Variants in CSMD1 observed in about 807,000 individuals in gnomAD.
The protein encoded by CSMD1 is CUB and Sushi multiple domains 1, also known as CUB and sushi domain-containing protein 1.
In CSMD1, 213 loss-of-function variants were observed where a neutral mutation model predicts 417.5. The observed-to-expected ratio is 0.51, with a 90% confidence interval of 0.46 to 0.57. The LOEUF (loss-of-function observed/expected upper bound fraction) is 0.57. Ranked by LOEUF, CSMD1 falls within the 20% of genes least tolerant of loss-of-function variation. The pLI is 0.00. For missense variants in CSMD1, 6,923 were observed against 4,529.7 expected (o/e 1.53, Z -15.17); for synonymous variants, 2,862 against 1,736.8 (o/e 1.65, Z -16.11).
chr8:3,875,321 T>C (rs1805744121), intron 5 of CSMD1, among the ~76,000 whole-genome samples: 1 of 152,154 alleles, frequency 6.6e-6, no homozygotes, highest in African/African-American at 2.4e-5. Context: ...GAATTTGCTG[T>C]TCTATTAGGT....
At chr8:3,176,007 G>A (rs1022492814) in intron 37 of CSMD1, among the ~76,000 whole-genome samples, 1 of 152,010 alleles carries the variant, frequency 6.6e-6, no homozygotes, top group African/African-American at 2.4e-5. Flanking sequence ...TACCAATTAG[G>A]TTTAGGATAT....
At chr8:3,147,009 G>A (rs1246499383) in intron 40 of CSMD1, among the ~76,000 whole-genome samples, 1 of 152,116 alleles carries the variant, frequency 6.6e-6, no homozygotes, top group Admixed American at 6.6e-5. Context: ...TTTTCTTCAA[G>A]AAGGGGCAAT....
intron 1 of CSMD1, among the ~76,000 whole-genome samples, chr8:4,740,374 A>T (rs1810525475): frequency 6.6e-6 from 1 of 152,318 alleles, no homozygotes; most frequent in African/African-American, 2.4e-5. Context: ...TTGTAGAAAT[A>T]CAGTATTAGA....
chr8:3,740,410 A>G (rs1313742396), intron 6 of CSMD1, among the ~76,000 whole-genome samples: 2 of 152,358 alleles, frequency 1.3e-5, no homozygotes, highest in Non-Finnish European at 2.9e-5. Flanking sequence ...GCAATGCTGA[A>G]TAAGAGCCAA....
rs1327701689 is a variant in CSMD1 at position 3,652,380 on chromosome 8, T to A, written c.1010-35583A>T. Reference sequence around the variant, plus strand: ...GCATGCTTACCACCATCAGAGCGCTTAGCACCATCACAAATACGTTGACTT... The same window carrying A: ...GCATGCTTACCACCATCAGAGCGCTAAGCACCATCACAAATACGTTGACTT... On this transcript the variant is annotated intron_variant, in intron 7 of 69. Transcript: ENST00000635120. Among the ~76,000 whole-genome samples, 3 of 152,242 alleles carry A rather than the reference T, an allele frequency of 2.0e-5. No individual in the cohort carries two copies. In the East Asian group the frequency reaches 5.8e-4, roughly 29 times the overall value.
chr8:4,173,386 T>C (rs1797870983), intron 3 of CSMD1, among the ~76,000 whole-genome samples: 1 of 152,062 alleles, frequency 6.6e-6, no homozygotes, highest in African/African-American at 2.4e-5. Flanking sequence ...GACAGAGGCA[T>C]AAAGAGAAGT....
At chr8:3,542,814 A>C (rs1798496108) in intron 10 of CSMD1, among the ~76,000 whole-genome samples, 1 of 152,192 alleles carries the variant, frequency 6.6e-6, no homozygotes, top group Non-Finnish European at 1.5e-5. Flanking sequence ...GCTTTAGCTA[A>C]GCAAGATCCA....
At chr8:3,462,121 GGC>G (rs1816542471) in intron 12 of CSMD1, among the ~76,000 whole-genome samples, 2 of 73,204 alleles carry the variant, frequency 2.7e-5, no homozygotes, top group South Asian at 9.4e-4. Context: ...TCAGAATCCA[GGC>G]CCCCCCCCCC....
chr8:3,672,272 G>C (rs906108808), intron 7 of CSMD1, among the ~76,000 whole-genome samples: 1 of 152,106 alleles, frequency 6.6e-6, no homozygotes, highest in African/African-American at 2.4e-5. Context: ...AAACCAAAGA[G>C]TCTTAACCAT....
chr8:3,193,984 A>G (rs975191735), intron 33 of CSMD1, among the ~76,000 whole-genome samples: 5 of 152,218 alleles, frequency 3.3e-5, no homozygotes, highest in African/African-American at 9.6e-5. Context: ...CTCACTTGCA[A>G]TACCTAAGTG....
chr8:4,916,499 C>T (rs926450553), intron 1 of CSMD1, among the ~76,000 whole-genome samples: 8 of 152,148 alleles, frequency 5.3e-5, no homozygotes, highest in African/African-American at 1.9e-4. Flanking sequence ...TTTCTTTCTT[C>T]CTCATGGAAA....
chr8:4,843,436 C>A (rs555741227), intron 1 of CSMD1, among the ~76,000 whole-genome samples: 8 of 151,676 alleles, frequency 5.3e-5, no homozygotes, highest in Admixed American at 3.3e-4. Flanking sequence ...GGAGAGATTA[C>A]AACAACAACA....
chr8:4,187,235 T>C (rs1041112273), intron 3 of CSMD1, among the ~76,000 whole-genome samples: 5 of 152,192 alleles, frequency 3.3e-5, no homozygotes, highest in African/African-American at 1.2e-4. Context: ...TATGGAACTT[T>C]AACATGTGCT....
intron 2 of CSMD1, among the ~76,000 whole-genome samples, chr8:4,550,682 C>T (rs756647457): frequency 1.3e-5 from 2 of 152,120 alleles, no homozygotes; most frequent in Non-Finnish European, 2.9e-5. Context: ...GACAAATATA[C>T]TCTCCTAACT....
At chr8:3,362,522 T>C (rs1355420190) in intron 20 of CSMD1, among the ~76,000 whole-genome samples, 1 of 152,200 alleles carries the variant, frequency 6.6e-6, no homozygotes, top group Non-Finnish European at 1.5e-5. Flanking sequence ...CAACTTCTCA[T>C]TTGGCTGATT....
At chr8:4,565,035 T>G (rs540742408) in intron 2 of CSMD1, among the ~76,000 whole-genome samples, 1 of 152,310 alleles carries the variant, frequency 6.6e-6, no homozygotes, top group Non-Finnish European at 1.5e-5. Flanking sequence ...TTCAACAAAA[T>G]GGATTTCAAG....
At chr8:4,992,381 C>G (rs372207219) in intron 1 of CSMD1, among the ~76,000 whole-genome samples, 4 of 152,336 alleles carry the variant, frequency 2.6e-5, no homozygotes, top group African/African-American at 9.6e-5. Flanking sequence ...GGAAGGCAGC[C>G]GGAGCGTGCG....
chr8:4,527,164 G>A (rs577691934), intron 2 of CSMD1, among the ~76,000 whole-genome samples: 93 of 152,188 alleles, frequency 6.1e-4, no homozygotes, highest in African/African-American at 2.0e-3. Flanking sequence ...TGACATAAGT[G>A]CACATATAAT....
chr8:4,700,735 C>A (rs1185615711), intron 1 of CSMD1, among the ~76,000 whole-genome samples: 2 of 152,002 alleles, frequency 1.3e-5, no homozygotes, highest in Non-Finnish European at 2.9e-5. Flanking sequence ...AAAGTCAGCA[C>A]ATTTTATTAT....
Sources: gnomAD v4.1 joint callset for allele counts (sites outside exome capture counted in the v4.1 genomes callset) on GRCh38, gnomAD v4.1.1 for gene constraint, MANE v1.5 for transcripts, NCBI Gene and HGNC (gene_info 2026-07-23, HGNC 2026-07-21) for gene names.